The following IFRD1 variants were observed in gnomAD, a reference collection of about 807,000 sequenced individuals.
The protein encoded by IFRD1 is interferon-related developmental regulator 1.
Under a neutral mutation model 52.9 loss-of-function variants are expected in IFRD1, and 35 were observed. The ratio of observed to expected loss-of-function variants is 0.66; its 90% CI spans 0.51 to 0.88. IFRD1 has a LOEUF of 0.88. Among genes scored for constraint, IFRD1 ranks in the 40% least tolerant of loss-of-function variants. The pLI, the probability that IFRD1 is intolerant of heterozygous loss-of-function variation, is 0.00. For synonymous variants in IFRD1, 184 were observed against 188.4 expected, an observed-to-expected ratio of 0.98 and a Z score of 0.19; for missense variants, 517 against 550.8, an observed-to-expected ratio of 0.94 and a Z score of 0.61.
chr7:112,429,344 T>G (rs1356761340), intron 1 of IFRD1, among the ~76,000 whole-genome samples: 1 of 152,238 alleles, frequency 6.6e-6, no homozygotes, highest in African/African-American at 2.4e-5. Context: ...CACTTTAGAA[T>G]TCTGTTTTTG....
At chr7:112,467,832 A>G (rs1024568) in intron 8 of IFRD1, 149 bp from the exon 9 acceptor site, 112,429 of 750,502 alleles carry the variant, frequency 0.15, 9,736 homozygotes, top group South Asian at 0.29. Flanking sequence ...ACATGTGTTT[A>G]TGTGTGCCTA....
At position 112,470,877 on chromosome 7, in the gene IFRD1, A is replaced by G. The variant is rs1584502491; in HGVS notation, c.1042-1342A>G. Among the ~76,000 whole-genome samples, 4 of 152,262 alleles carry G rather than the reference A, an allele frequency of 2.6e-5. No individual in the cohort carries two copies. The Middle Eastern group carries it at 0.014, about 518-fold the overall frequency. ...TCTATACATGTTCAGTATAGTTGCAATTTTTTTCTGAATATTTTCAGTCCA... is the reference window on the plus strand; with the variant it reads ...TCTATACATGTTCAGTATAGTTGCAGTTTTTTTCTGAATATTTTCAGTCCA... On this transcript the variant is annotated intron_variant, in intron 9 of 11. Transcript: ENST00000403825.
At chr7:112,450,364 T>C (rs1385600587), upstream of IFRD1, 3 of 373,796 alleles carry the variant, frequency 8.0e-6, no homozygotes, top group South Asian at 5.0e-5. Flanking sequence ...AGTGGGGAGG[T>C]GTGCAGGGAT....
intron 1 of IFRD1, among the ~76,000 whole-genome samples, chr7:112,439,883 G>A (rs1794828291): frequency 6.6e-6 from 1 of 152,198 alleles, no homozygotes; most frequent in East Asian, 1.9e-4. Flanking sequence ...CCCCTCGAAG[G>A]AGGTTGGATA....
chr7:112,472,383 G>A, intron 10 of IFRD1, 36 bp downstream of exon 10: 1 of 1,612,450 alleles, frequency 6.2e-7, no homozygotes, highest in Non-Finnish European at 8.5e-7. Context: ...TGCTTTTAAA[G>A]TAGGGAGCAG....
At chr7:112,457,662 GGAA>G (rs921511157) in intron 4 of IFRD1, 2 of 152,088 alleles carry the variant, frequency 1.3e-5, no homozygotes, top group African/African-American at 4.8e-5. Flanking sequence ...GAGGATTGCT[GGAA>G]GCCAGGAGTT....
At chr7:112,439,990 A>ATT (rs533468058) in intron 1 of IFRD1, among the ~76,000 whole-genome samples, 6 of 145,800 alleles carry the variant, frequency 4.1e-5, no homozygotes, top group African/African-American at 1.2e-4. Flanking sequence ...TTCAAAAGCC[A>ATT]TTTTTTTTTT....
chr7:112,453,624 T>C (rs1473926139), intron 1 of IFRD1, among the ~76,000 whole-genome samples: 1 of 152,226 alleles, frequency 6.6e-6, no homozygotes. Context: ...GACACTCATC[T>C]GTTGCCATTA....
At chr7:112,461,821 GAAAT>G (rs770980006) in intron 5 of IFRD1, 41 bp from the exon 6 acceptor site, 16 of 1,034,040 alleles carry the variant, frequency 1.5e-5, no homozygotes, top group South Asian at 3.3e-5. Context: ...GAATTAATAA[GAAAT>G]AAAATCATTA....
chr7:112,465,806 G>C (rs776715890), intron 8 of IFRD1, among the ~76,000 whole-genome samples: 6 of 152,094 alleles, frequency 3.9e-5, no homozygotes, highest in Non-Finnish European at 1.5e-5. Flanking sequence ...GCCTCGTATG[G>C]TTGTGATGGC....
At chr7:112,452,710 C>T (rs1237334022) in intron 1 of IFRD1, among the ~76,000 whole-genome samples, 1 of 152,158 alleles carries the variant, frequency 6.6e-6, no homozygotes, top group Admixed American at 6.5e-5. Context: ...TGGGGATTGC[C>T]TTTTAAATTT....
Position 112,476,338 on chromosome 7 carries a change from T to G in IFRD1, c.*819T>G, listed in dbSNP as rs899160978. 1.3e-5 allele frequency: 2 copies of G among 151,988 alleles called. No homozygotes were observed. Among genetic ancestry groups the G allele is most frequent in the Non-Finnish European group, 2.9e-5 (2 of 67,894 alleles). 9.4% of individuals were successfully genotyped at this position (151,988 alleles called of 1,614,324 possible). A position where few individuals can be genotyped will look rare whatever the true frequency, so the allele number is the denominator to read the frequency against. The stretch of plus-strand genomic sequence containing the variant: ...ATGAAAAGAATGTAGCAATACATAA[T>G]TGGGATTAAGGTTTCTGACTTTCAA... On this transcript the variant is annotated 3_prime_UTR_variant, in exon 12 of 12. Transcript: ENST00000403825.
chr7:112,467,356 A>G (rs867626996), intron 8 of IFRD1: 2 of 152,452 alleles, frequency 1.3e-5, no homozygotes, highest in African/African-American at 4.8e-5. Context: ...AAACACCTCA[A>G]ATAAAGAGAC....
chr7:112,446,576 G>C (rs894863475), upstream of IFRD1, among the ~76,000 whole-genome samples: 1 of 152,192 alleles, frequency 6.6e-6, no homozygotes, highest in Non-Finnish European at 1.5e-5. Flanking sequence ...GGTGCTGGTG[G>C]TAGGTGGGGT....
chr7:112,467,949 A>T (rs1795654363), intron 8 of IFRD1, 32 bp from the exon 9 acceptor site: 1 of 1,607,184 alleles, frequency 6.2e-7, no homozygotes, highest in African/African-American at 1.3e-5. Flanking sequence ...AAAAATAATA[A>T]TAAAGGAAAC....
At chr7:112,440,149 C>T (rs1794839487) in intron 1 of IFRD1, among the ~76,000 whole-genome samples, 1 of 152,124 alleles carries the variant, frequency 6.6e-6, no homozygotes, top group South Asian at 2.1e-4. Context: ...CCATGCCAAG[C>T]TAATTTTGTA....
chr7:112,464,037 T>C, intron 8 of IFRD1, among the ~76,000 whole-genome samples: 1 of 121,710 alleles, frequency 8.2e-6, no homozygotes, highest in South Asian at 2.4e-4. Context: ...TTTTATTTGC[T>C]TTTTTTTTTT....
chr7:112,430,020 C>T lies in IFRD1; in HGVS notation c.-182+6588C>T, dbSNP rs191069533. Among the ~76,000 whole-genome samples, 499 of 152,326 alleles carry T rather than the reference C, an allele frequency of 3.3e-3. 3 individuals carry two copies. Among genetic ancestry groups the T allele is most frequent in the Middle Eastern group, 0.02 (6 of 294 alleles). The stretch of plus-strand genomic sequence containing the variant: ...TCCTACTTCTTTATCCTCTCCATGT[C>T]TGTTCCATGTTGGCAGATACAAATC... On this transcript the variant is annotated intron_variant, in intron 1 of 12. Coordinates refer to the IFRD1 transcript ENST00000005558.
intron 10 of IFRD1, among the ~76,000 whole-genome samples, 175 bp from the exon 11 acceptor site, chr7:112,472,591 T>C (rs1024444669): frequency 4.6e-5 from 7 of 152,232 alleles, no homozygotes; most frequent in Admixed American, 2.6e-4. Flanking sequence ...TTGACATAGC[T>C]GTCTTGGATT....
Sources: allele counts gnomAD v4.1 joint callset (sites outside exome capture counted in the v4.1 genomes callset), GRCh38; gene constraint gnomAD v4.1.1; transcripts MANE v1.5; gene names NCBI Gene and HGNC (gene_info 2026-07-23, HGNC 2026-07-21).